The following AGRN variants were observed in gnomAD, a reference collection of about 807,000 sequenced individuals.
AGRN encodes the protein agrin.
Under a neutral mutation model 211.0 loss-of-function variants are expected in AGRN, and 106 were observed. The observed-to-expected ratio is 0.50, with a 90% confidence interval of 0.43 to 0.59. The LOEUF (loss-of-function observed/expected upper bound fraction) is 0.59. AGRN is among the 20% of genes least tolerant of loss of function. AGRN has a pLI of 0.00. For synonymous variants in AGRN, 1,525 were observed against 1,332.5 expected, an observed-to-expected ratio of 1.14 and a Z score of -3.15; for missense variants, 3,040 against 2,982.6, an observed-to-expected ratio of 1.02 and a Z score of -0.45.
chr1:1,055,204 C>A lies in AGRN; in HGVS notation c.*223C>A. On this transcript the variant is annotated 3_prime_UTR_variant, in exon 36 of 36. Transcript: ENST00000379370. ...TGGATGGCAGCCTCAGGACACACACCCCTGCCTCAAGGTGCTGAGCCCCCG... is the reference window on the plus strand; with the variant it reads ...TGGATGGCAGCCTCAGGACACACACACCTGCCTCAAGGTGCTGAGCCCCCG... 2.9e-6 allele frequency: 2 copies of A among 696,950 alleles called. No individual in the cohort carries two copies. The allele number at this position is 696,950 out of a possible 1,614,324, so 43.2% of individuals were successfully genotyped here. A position where few individuals can be genotyped will look rare whatever the true frequency, so the allele number is the denominator to read the frequency against.
chr1:1,030,766 CAT>C (rs1491242625), intron 2 of AGRN, among the ~76,000 whole-genome samples: 1 of 46,966 alleles, frequency 2.1e-5, no homozygotes, highest in Admixed American at 3.4e-4. Context: ...GTGAGATCAG[CAT>C]GTGTGTGTGT....
chr1:1,043,032 G>A (rs1042819211), intron 7 of AGRN, among the ~76,000 whole-genome samples: 7 of 152,124 alleles, frequency 4.6e-5, no homozygotes, highest in Non-Finnish European at 7.4e-5. Context: ...CGCAGCCACC[G>A]GGGACTCCTG....
In AGRN at chr1:1,045,268, G is replaced by C. The variant is rs772968639; in HGVS notation, c.2362G>C (p.Gly788Arg). The C allele has an allele frequency of 2.5e-6, 4 of 1,611,528 alleles. No individual in the cohort carries two copies. Among genetic ancestry groups the C allele is most frequent in the Non-Finnish European group, 3.4e-6 (4 of 1,179,480 alleles). ...CGCAGCCCGGGGCGTGGGCCTGGCT[G>C]GCTGCCCCAGTGAGTACCTGAGCTC... ...ITAARGVGLA[G>R]CPSACQCNPH... Residue 788 changes from glycine (G) to arginine (R), a missense_variant, in exon 13 of 36, where the codon GGC becomes CGC. Transcript: ENST00000379370.
At chr1:1,034,687 G>A (rs1644758111) in intron 2 of AGRN, 3 of 992,410 alleles carry the variant, frequency 3.0e-6, no homozygotes, top group South Asian at 4.5e-5. Flanking sequence ...TCGCGGTGCT[G>A]CTGTTCCTCA....
Position 1,049,730 on chromosome 1 carries a change from G to A in AGRN, c.4679G>A (p.Gly1560Asp). 3 of 1,580,754 alleles carry A rather than the reference G, an allele frequency of 1.9e-6. No homozygotes were observed. Among genetic ancestry groups the A allele is most frequent in the Middle Eastern group, 3.3e-4 (2 of 6,002 alleles). The change falls in exon 26 of 36, where the codon GGC (glycine) becomes GAC (aspartate). Residue 1560 changes from glycine (G) to aspartate (D), a missense_variant. Transcript: ENST00000379370. ...CCCTGCCTGCCCAACCCCTGCCATG[G>A]CGGGGCCCCATGCCAGAACCTGGAG... ...DHPCLPNPCH[G>D]GAPCQNLEAG... is the part of the protein sequence containing the mutation.
At position 1,051,544 on chromosome 1, in the gene AGRN, C is replaced by T. The variant is rs763081771; in HGVS notation, c.5462C>T (p.Ala1821Val). ...TTTGCAGGTCACCCCTGCACCCGGG[C>T]CTCAGGCCACCCCTGCCTCAATGGG... ...TSFAGHPCTRASGHPCLNGAS... is the reference protein window; with the variant it reads ...TSFAGHPCTRVSGHPCLNGAS... The change falls in exon 32 of 36, where the codon GCC becomes GTC. Residue 1821 changes from alanine (A) to valine (V), a missense_variant. Around this residue, in one of 3 missense-constraint regions of AGRN, gnomAD observed 1,537 missense variants for 1,505.0 expected, o/e 1.02. Coordinates refer to ENST00000379370, the MANE Select transcript of AGRN (RefSeq NM_198576.4). 7.0e-6 allele frequency: 11 copies of T among 1,570,548 alleles called. No homozygotes were observed. The South Asian group carries it at 1.3e-4, about 18-fold the overall frequency.
chr1:1,035,339 G>A lies in AGRN; in HGVS notation c.511+15G>A. 6.2e-7 allele frequency: 1 copy of A among 1,613,064 alleles called. No homozygotes were observed. Among genetic ancestry groups the A allele is most frequent in the Non-Finnish European group, 8.5e-7 (1 of 1,179,984 alleles). On this transcript the variant is annotated intron_variant, in intron 3 of 35. Transcript: ENST00000379370. ...GCCTCCTGATGGTGAGTAGGGCTGA[G>A]TTCGGGGGACCTGGATGGGCTGTGG...
At position 1,049,589 on chromosome 1, in the gene AGRN, G is replaced by T. The variant is rs773564274; in HGVS notation, c.4538G>T (p.Gly1513Val). 6.3e-7 allele frequency: 1 copy of T among 1,590,222 alleles called. No homozygotes were observed. The highest frequency in any genetic ancestry group is 1.1e-5 in the South Asian group (1 of 88,008). The change falls in exon 26 of 36, where the codon GGC (glycine) becomes GTC (valine). Residue 1513 changes from glycine to valine, a missense_variant. By Grantham distance (109) the Gly-to-Val change is moderately radical. Around this residue, in one of 3 missense-constraint regions of AGRN, gnomAD observed 1,537 missense variants for 1,505.0 expected, o/e 1.02. Transcript: ENST00000379370. ...AAVALERTFV[G>V]AGLRGCIRLL... ...AGGGCGCTGGAGCGGACCTTCGTGG[G>T]CGCCGGCCTGAGGGGGTGCATCCGT...
chr1:1,033,085 A>G (rs1430337650), intron 2 of AGRN, among the ~76,000 whole-genome samples: 1 of 151,842 alleles, frequency 6.6e-6, no homozygotes, highest in Admixed American at 6.5e-5. Flanking sequence ...CAGGGCCCGG[A>G]CGTTCCCGGA....
intron 3 of AGRN, among the ~76,000 whole-genome samples, chr1:1,037,098 C>G (rs1469074797): frequency 2.6e-5 from 4 of 152,146 alleles, no homozygotes; most frequent in Non-Finnish European, 4.4e-5. Flanking sequence ...GGGCCTGAAC[C>G]CTCCCAGTGG....
chr1:1,050,941 G>T (rs1645267211), intron 30 of AGRN, 104 bp downstream of exon 30: 1 of 1,545,076 alleles, frequency 6.5e-7, no homozygotes. Context: ...TTTCTGTCCT[G>T]TTCTCTTGGC....
chr1:1,043,486 G>A, intron 8 of AGRN, 29 bp downstream of exon 8: 1 of 1,600,472 alleles, frequency 6.2e-7, no homozygotes, highest in Non-Finnish European at 8.5e-7. Context: ...GTCTGGTGGG[G>A]GTCGGGGAGA....
In AGRN at chr1:1,043,733, G is replaced by T. The variant is rs746488526; in HGVS notation, c.1798+1G>T. The T allele has an allele frequency of 2.6e-5, 42 of 1,601,420 alleles. No individual in the cohort carries two copies. The highest frequency in any genetic ancestry group is 3.1e-5 in the Non-Finnish European group (36 of 1,179,764). ...CACGTGGCCTCAGCTGGACCCTGTG[G>T]TGAGTGAGGCCCTGGGGCCGGGCGG... On this transcript the variant is annotated splice_donor_variant, in intron 9 of 35. Coordinates refer to ENST00000379370, the MANE Select transcript of AGRN (RefSeq NM_198576.4). LOFTEE classifies it high-confidence loss of function.
intron 2 of AGRN, among the ~76,000 whole-genome samples, chr1:1,033,554 C>A (rs1335112105): frequency 1.3e-4 from 20 of 150,906 alleles, no homozygotes; most frequent in African/African-American, 4.9e-4. Flanking sequence ...CGGCGCGACC[C>A]CTGCTCCCCC....
Position 1,049,256 on chromosome 1 carries a change from C to T in AGRN, c.4319C>T (p.Pro1440Leu), listed in dbSNP as rs1013476257. The change falls in exon 25 of 36, where the codon CCG (proline) becomes CTG (leucine). Residue 1440 changes from proline (P) to leucine (L), a missense_variant. Transcript: ENST00000379370. Reference protein sequence around the residue: ...VQLRFDTGSGPAVLTSAVPVE... With the variant: ...VQLRFDTGSGLAVLTSAVPVE... ...CTCAGGTTTGACACAGGTTCGGGGC[C>T]GGCGGTGCTGACCAGTGCCGTGCCG... 1.6e-5 allele frequency: 25 copies of T among 1,588,450 alleles called. No homozygotes were observed. Among genetic ancestry groups the T allele is most frequent in the Middle Eastern group, 1.7e-4 (1 of 6,036 alleles).
At chr1:1,042,224 A>C (rs1266904902) in intron 7 of AGRN, 62 bp downstream of exon 7, 18 of 1,515,402 alleles carry the variant, frequency 1.2e-5, no homozygotes, top group Non-Finnish European at 1.4e-5. Context: ...CCCTGCCTGG[A>C]CATCACATGC....
chr1:1,031,608 G>A lies in AGRN; in HGVS notation c.464-3669G>A, dbSNP rs1644678778. On this transcript the variant is annotated intron_variant, in intron 2 of 35. Coordinates refer to ENST00000379370, the MANE Select transcript of AGRN (RefSeq NM_198576.4). The surrounding 1 kb of genome is among the most constrained non-coding windows in gnomAD (Gnocchi z 4.8). ...CTAAGCCTCATTCCAGTGTCGGCCT[G>A]GGGCAGCCAGGCCCCCCACGTGACT... Among the ~76,000 whole-genome samples, 1 of 152,160 alleles carries A rather than the reference G, an allele frequency of 6.6e-6. No homozygotes were observed. Among genetic ancestry groups the A allele is most frequent in the African/African-American group, 2.4e-5 (1 of 41,440 alleles).
chr1:1,048,055 T>A lies in AGRN; in HGVS notation c.3795T>A (p.Ile1265=), dbSNP rs767379743. The A allele has an allele frequency of 8.7e-5, 138 of 1,585,706 alleles. No homozygotes were observed. The highest frequency in any genetic ancestry group is 1.4e-4 in the Admixed American group (8 of 58,438). ...AFITGATSGA[I]AAGATARATT... ...TCACGGGGGCCACGTCAGGAGCCAT[T>A]GCTGCGGGAGCCACGGCCAGAGCCA... Residue 1265 remains isoleucine (I), a synonymous_variant, in exon 23 of 36, where the codon ATT becomes ATA. Transcript: ENST00000379370. This position sits in a 1 kb window ranked among gnomAD's most constrained non-coding sequence, Gnocchi z 5.9.
rs745652394 is a variant in AGRN at position 1,044,243 on chromosome 1, G to A, written c.2134G>A (p.Val712Ile). ...PCVCDFSCQS[V>I]PGSPVCGSDG... The stretch of plus-strand genomic sequence containing the variant: ...TGTCTGTGACTTCAGCTGCCAGAGT[G>A]TCCCAGGCAGCCCGGTGAGCTCTGT... The change falls in exon 11 of 36, where the codon GTC becomes ATC. Residue 712 changes from valine (V) to isoleucine (I), a missense_variant. By Grantham distance (29) the Val-to-Ile change is conservative (BLOSUM62 3). Transcript: ENST00000379370. 2.5e-6 allele frequency: 4 copies of A among 1,612,918 alleles called. No homozygotes were observed. The highest frequency in any genetic ancestry group is 1.1e-5 in the South Asian group (1 of 91,082).
Sources: allele counts gnomAD v4.1 joint callset (sites outside exome capture counted in the v4.1 genomes callset), GRCh38; gene constraint gnomAD v4.1.1; regional missense constraint gnomAD v4.1.1; non-coding constraint Gnocchi (gnomAD v3.1); transcripts MANE v1.5; gene names NCBI Gene and HGNC (gene_info 2026-07-23, HGNC 2026-07-21).